TMEM132B: variants seen among roughly 807,000 people sequenced by gnomAD.
TMEM132B encodes transmembrane protein 132B.
A neutral mutation model predicts 90.8 loss-of-function variants in TMEM132B; 18 were observed. The ratio of observed to expected loss-of-function variants is 0.20; its 90% CI spans 0.14 to 0.29. The LOEUF (loss-of-function observed/expected upper bound fraction) is 0.29. TMEM132B is among the 10% of genes least tolerant of loss of function. The pLI, the probability that TMEM132B is intolerant of heterozygous loss-of-function variation, is 1.00. For synonymous variants in TMEM132B, 504 were observed against 523.3 expected (o/e 0.96, Z 0.50); for missense variants, 1,096 against 1,326.8 (o/e 0.83, Z 2.70).
chr12:125,264,944 A>G (rs1321189308), intron 1 of TMEM132B, among the ~76,000 whole-genome samples: 1 of 152,206 alleles, frequency 6.6e-6, no homozygotes, highest in African/African-American at 2.4e-5. Context: ...ATACCTTCTG[A>G]GAAATTTGCT....
rs539293042 is a variant in TMEM132B at position 125,209,114 on chromosome 12, T to C, written c.67+22248T>C. ...TGGAGGGGAAGGGATTGTACTCTGA[T>C]GTGGCTCTTGCCTGGGAAGCGGGAG... On this transcript the variant is annotated intron_variant, in intron 1 of 8. Transcript: ENST00000682704. This position sits in a 1 kb window ranked among gnomAD's most constrained non-coding sequence, Gnocchi z 4.4. Among the ~76,000 whole-genome samples, 1 of 152,320 alleles carries C rather than the reference T, an allele frequency of 6.6e-6. No individual in the cohort carries two copies. The highest frequency in any genetic ancestry group is 2.4e-5 in the African/African-American group (1 of 41,572).
At chr12:125,552,144 C>T (rs1297527843) in intron 4 of TMEM132B, among the ~76,000 whole-genome samples, 2 of 152,200 alleles carry the variant, frequency 1.3e-5, no homozygotes, top group Non-Finnish European at 2.9e-5. Context: ...TAATTTTCTT[C>T]ACAGATGAAC....
At chr12:125,233,396 A>T (rs1459457372) in intron 1 of TMEM132B, among the ~76,000 whole-genome samples, 1 of 152,158 alleles carries the variant, frequency 6.6e-6, no homozygotes, top group East Asian at 1.9e-4. Flanking sequence ...TGGCTCCCAG[A>T]GTTCTGGCCA....
chr12:125,613,203 T>C (rs1324363091), intron 5 of TMEM132B, among the ~76,000 whole-genome samples: 1 of 126,636 alleles, frequency 7.9e-6, no homozygotes, highest in Non-Finnish European at 1.6e-5. Context: ...TATTTATATA[T>C]ATATTATACA....
intron 1 of TMEM132B, among the ~76,000 whole-genome samples, chr12:125,304,875 T>C (rs1254330902): frequency 6.6e-6 from 1 of 152,154 alleles, no homozygotes; most frequent in African/African-American, 2.4e-5. Flanking sequence ...TTGCTGCTGC[T>C]TCACATTCGT....
At chr12:125,604,999 G>A (rs1293647300) in intron 5 of TMEM132B, among the ~76,000 whole-genome samples, 1 of 152,206 alleles carries the variant, frequency 6.6e-6, no homozygotes, top group Non-Finnish European at 1.5e-5. Context: ...GACAGAAGAG[G>A]TGGTGGTTAT....
chr12:125,547,295 A>C (rs1477929598), intron 4 of TMEM132B, among the ~76,000 whole-genome samples: 1 of 152,220 alleles, frequency 6.6e-6, no homozygotes, highest in Non-Finnish European at 1.5e-5. Flanking sequence ...CATCTTTGTC[A>C]GCACATGATA....
At chr12:125,323,442 C>CAAAAAG (rs753462925) in intron 1 of TMEM132B, among the ~76,000 whole-genome samples, 2 of 151,980 alleles carry the variant, frequency 1.3e-5, no homozygotes, top group African/African-American at 4.8e-5. Flanking sequence ...CCTCAAAAAA[C>CAAAAAG]AAAAACAAAA....
intron 3 of TMEM132B, among the ~76,000 whole-genome samples, chr12:125,507,590 T>A (rs997294598): frequency 5.3e-5 from 8 of 151,956 alleles, no homozygotes; most frequent in Non-Finnish European, 1.0e-4. Flanking sequence ...GGTAGAGGCA[T>A]GAGCTAGTGC....
chr12:125,348,402 C>G (rs1007009812), intron 1 of TMEM132B, among the ~76,000 whole-genome samples: 1 of 152,156 alleles, frequency 6.6e-6, no homozygotes, highest in African/African-American at 2.4e-5. Context: ...TCCCAGCTCA[C>G]TGCAATCTCC....
chr12:125,475,908 C>G (rs1881864046), intron 3 of TMEM132B, among the ~76,000 whole-genome samples: 1 of 152,186 alleles, frequency 6.6e-6, no homozygotes, highest in Non-Finnish European at 1.5e-5. Flanking sequence ...TTAAACTTTT[C>G]TCAGTATTGC....
chr12:125,576,709 G>A (rs1884949606), intron 4 of TMEM132B, among the ~76,000 whole-genome samples: 1 of 151,868 alleles, frequency 6.6e-6, no homozygotes, highest in South Asian at 2.1e-4. Flanking sequence ...TTTTTCACAT[G>A]TCTTGAGATG....
chr12:125,230,950 A>T (rs1037770207), intron 1 of TMEM132B, among the ~76,000 whole-genome samples: 1 of 152,162 alleles, frequency 6.6e-6, no homozygotes, highest in Non-Finnish European at 1.5e-5. Flanking sequence ...TTGGTGAGTT[A>T]TACTAATTTC....
chr12:125,454,942 T>C lies in TMEM132B; in HGVS notation c.1106+39265T>C, dbSNP rs529688808. Among the ~76,000 whole-genome samples the C allele has an allele frequency of 1.9e-3, 295 of 152,334 alleles. 1 individual carries two copies. Among genetic ancestry groups the C allele is most frequent in the Admixed American group, 2.9e-3 (45 of 15,306 alleles). On this transcript the variant is annotated intron_variant, in intron 3 of 8. Transcript: ENST00000682704. ...TAGAACTTAAAATTCCTGCACTGAA[T>C]TGGACTCATTAAAAACTTAAAATAC...
At position 125,215,195 on chromosome 12, in the gene TMEM132B, T is replaced by C. The variant is rs1873407105; in HGVS notation, c.67+28329T>C. Among the ~76,000 whole-genome samples the C allele has an allele frequency of 2.0e-5, 3 of 152,216 alleles. No individual in the cohort carries two copies. In the South Asian group the frequency reaches 6.2e-4, roughly 31 times the overall value. On this transcript the variant is annotated intron_variant, in intron 1 of 8. Coordinates refer to ENST00000682704, the MANE Select transcript of TMEM132B (RefSeq NM_001366854.1). ...GGCAAATTCTTTTTCCTGCCAGGAT[T>C]TCTATAGATATGAAGGAGACATTTG... is the stretch of plus-strand genomic sequence containing the variant.
At chr12:125,293,104 T>C (rs967724603) in intron 1 of TMEM132B, among the ~76,000 whole-genome samples, 6 of 152,164 alleles carry the variant, frequency 3.9e-5, no homozygotes, top group Non-Finnish European at 8.8e-5. Flanking sequence ...ACACATGCCA[T>C]TGACATAATG....
chr12:125,629,791 T>C (rs1886318053), intron 5 of TMEM132B, among the ~76,000 whole-genome samples: 1 of 152,170 alleles, frequency 6.6e-6, no homozygotes, highest in South Asian at 2.1e-4. Context: ...TATATGGCTT[T>C]TATTATGTTG....
chr12:125,528,155 G>A (rs1299886512), intron 4 of TMEM132B, among the ~76,000 whole-genome samples: 1 of 149,322 alleles, frequency 6.7e-6, no homozygotes, highest in Non-Finnish European at 1.5e-5. Context: ...TTTTTCCTCT[G>A]AAGGCACAAA....
intron 3 of TMEM132B, among the ~76,000 whole-genome samples, chr12:125,432,940 C>A (rs1880584909): frequency 6.6e-6 from 1 of 152,178 alleles, no homozygotes; most frequent in Non-Finnish European, 1.5e-5. Flanking sequence ...GGTCTATGAG[C>A]AGTGGACAAA....
Sources: allele counts gnomAD v4.1 joint callset (sites outside exome capture counted in the v4.1 genomes callset), GRCh38; gene constraint gnomAD v4.1.1; non-coding constraint Gnocchi (gnomAD v3.1); transcripts MANE v1.5; gene names NCBI Gene and HGNC (gene_info 2026-07-23, HGNC 2026-07-21).